CEP128: variants seen among roughly 807,000 people sequenced by gnomAD.
CEP128 encodes the protein centrosomal protein 128kDa.
CEP128 carries 132 observed loss-of-function variants against 156.7 expected under a neutral mutation model. The ratio of observed to expected loss-of-function variants is 0.84; its 90% CI spans 0.73 to 0.97. CEP128 has a LOEUF of 0.97. CEP128 is among the 50% of genes least tolerant of loss of function. The pLI is 0.00. For synonymous variants in CEP128, 469 were observed against 448.9 expected (o/e 1.04, Z -0.57); for missense variants, 1,252 against 1,281.9 (o/e 0.98, Z 0.36).
intron 23 of CEP128, among the ~76,000 whole-genome samples, chr14:80,519,216 T>A (rs988908116): frequency 6.6e-6 from 1 of 152,240 alleles, no homozygotes; most frequent in Non-Finnish European, 1.5e-5. Flanking sequence ...AAAGTTCCAC[T>A]GGGTGAAGGG....
At chr14:80,763,698 A>G (rs1324613888) in intron 16 of CEP128, among the ~76,000 whole-genome samples, 1 of 152,170 alleles carries the variant, frequency 6.6e-6, no homozygotes, top group Admixed American at 6.5e-5. Flanking sequence ...ATAAACTGTT[A>G]ATTTCAGGAG....
intron 11 of CEP128, among the ~76,000 whole-genome samples, chr14:80,837,631 G>C (rs1170196977): frequency 6.6e-6 from 1 of 152,274 alleles, no homozygotes; most frequent in East Asian, 1.9e-4. Context: ...CAGGAGAATC[G>C]CTTGAACCCG....
chr14:80,483,701 T>A (rs1346957072), intron 14 of CEP128, among the ~76,000 whole-genome samples: 1 of 152,222 alleles, frequency 6.6e-6, no homozygotes, highest in Non-Finnish European at 1.5e-5. Context: ...TGAACACTTA[T>A]TGTATGTCAG....
intron 19 of CEP128, among the ~76,000 whole-genome samples, chr14:80,614,732 C>T (rs912770964): frequency 6.6e-6 from 1 of 152,160 alleles, no homozygotes; most frequent in Non-Finnish European, 1.5e-5. Flanking sequence ...GTGTTATCTC[C>T]TCTAAATATT....
chr14:80,597,489 A>C (rs1304807055), intron 19 of CEP128, among the ~76,000 whole-genome samples: 4 of 152,154 alleles, frequency 2.6e-5, no homozygotes, highest in African/African-American at 9.6e-5. Context: ...CTTTTACCAA[A>C]TGTTCAAAGA....
At chr14:80,753,317 G>C (rs1899482954) in intron 18 of CEP128, among the ~76,000 whole-genome samples, 1 of 132,124 alleles carries the variant, frequency 7.6e-6, no homozygotes, top group Non-Finnish European at 1.7e-5. Flanking sequence ...TGGGGCAAAG[G>C]CCAAGAAGAA....
intron 20 of CEP128, 149 bp downstream of exon 20, chr14:80,580,225 T>C: frequency 1.9e-6 from 1 of 524,762 alleles, no homozygotes; most frequent in South Asian, 3.7e-5. Context: ...CAGAGACTTC[T>C]AAAGGAAGCA....
In CEP128 at chr14:80,484,941, T is replaced by C. The variant is rs78684126; in HGVS notation, c.*311-6534A>G. 2.1e-3 allele frequency among the ~76,000 whole-genome samples: 313 copies of C among 152,166 alleles called. 2 individuals are homozygous for C. Among genetic ancestry groups the C allele is most frequent in the African/African-American group, 7.2e-3 (300 of 41,474 alleles). On this transcript the variant is annotated intron_variant and NMD_transcript_variant, in intron 14 of 14. Transcript: ENST00000554502. ...AAATACAGTCCCAAAAGGGAAAGGGTAGAGAAATCTGACCTCAATTGTGGG... is the reference window on the plus strand; with the variant it reads ...AAATACAGTCCCAAAAGGGAAAGGGCAGAGAAATCTGACCTCAATTGTGGG...
At chr14:80,548,855 T>C (rs1395395590) in intron 21 of CEP128, among the ~76,000 whole-genome samples, 2 of 152,174 alleles carry the variant, frequency 1.3e-5, no homozygotes, top group East Asian at 3.9e-4. Context: ...GTGATACCTT[T>C]CCTATGTTAT....
chr14:80,632,579 T>C (rs1894006593), intron 19 of CEP128, among the ~76,000 whole-genome samples: 1 of 149,886 alleles, frequency 6.7e-6, no homozygotes. Flanking sequence ...ATTATCTATA[T>C]AATATAACAT....
intron 19 of CEP128, among the ~76,000 whole-genome samples, chr14:80,581,777 G>A (rs1891603541): frequency 6.6e-6 from 1 of 152,170 alleles, no homozygotes; most frequent in Admixed American, 6.5e-5. Context: ...ATAAGATACA[G>A]AAACCAACTT....
chr14:80,529,185 C>T (rs1052935543), intron 22 of CEP128, among the ~76,000 whole-genome samples: 2 of 152,150 alleles, frequency 1.3e-5, no homozygotes, highest in Non-Finnish European at 2.9e-5. Context: ...AAACATGTAC[C>T]ATAAAGTACT....
chr14:80,723,570 T>C lies in CEP128; in HGVS notation c.2806+19505A>G, dbSNP rs918140658. Among the ~76,000 whole-genome samples, 14 of 152,328 alleles carry C rather than the reference T, an allele frequency of 9.2e-5. No homozygotes were observed. In the Middle Eastern group the frequency reaches 0.01, roughly 111 times the overall value. On this transcript the variant is annotated intron_variant, in intron 19 of 24. Transcript: ENST00000555265. ...TTGAACCATAAATTATAGAGGGAAATCTAGCATAATGGTAGAACAGTGTCC... is the reference window on the plus strand; with the variant it reads ...TTGAACCATAAATTATAGAGGGAAACCTAGCATAATGGTAGAACAGTGTCC...
intron 21 of CEP128, among the ~76,000 whole-genome samples, chr14:80,549,223 A>C (rs997174014): frequency 6.6e-6 from 1 of 152,192 alleles, no homozygotes; most frequent in Admixed American, 6.6e-5. Context: ...AATATACAGA[A>C]GGTAGACTAA....
At chr14:80,489,030 T>C (rs967186942), downstream of CEP128, among the ~76,000 whole-genome samples, 15 of 151,582 alleles carry the variant, frequency 9.9e-5, no homozygotes, top group East Asian at 2.0e-4. Flanking sequence ...ATATACCTAA[T>C]GCTAAATGAC....
In CEP128 at chr14:80,785,503, C is replaced by T. The variant is rs768640379; in HGVS notation, c.1603G>A (p.Ala535Thr). Residue 535 changes from alanine to threonine, a missense_variant, in exon 15 of 25, where the codon GCA (alanine) becomes ACA (threonine). By Grantham distance (58) the Ala-to-Thr change is moderately conservative. Transcript: ENST00000555265. ...KDELKTQLYAALQQIENLRKE... is the reference protein window; with the variant it reads ...KDELKTQLYATLQQIENLRKE... Reference sequence around the variant, plus strand: ...CGAAGATTCTCTATTTGTTGTAATGCTGCATACAGCTGGGTTTTCAATTCA... The same window carrying T: ...CGAAGATTCTCTATTTGTTGTAATGTTGCATACAGCTGGGTTTTCAATTCA... 1.9e-6 allele frequency: 3 copies of T among 1,612,982 alleles called. No homozygotes were observed. The highest frequency in any genetic ancestry group is 2.5e-6 in the Non-Finnish European group (3 of 1,179,490).
intron 20 of CEP128, among the ~76,000 whole-genome samples, chr14:80,561,889 C>G (rs902852537): frequency 1.0e-5 from 1 of 98,956 alleles, no homozygotes; most frequent in Non-Finnish European, 2.1e-5. Context: ...TGTTGAAATA[C>G]GAAGGTCTAT....
rs186534836 is a variant in CEP128, at chr14:80,772,505, G to A, written c.2376+5377C>T. On this transcript the variant is annotated intron_variant, in intron 16 of 24. Transcript: ENST00000555265. ...GTGCATTCATCCTTCAAGTCCATGCGTGAATTGATTCTTCCTGGATGCCGG... is the reference window on the plus strand; with the variant it reads ...GTGCATTCATCCTTCAAGTCCATGCATGAATTGATTCTTCCTGGATGCCGG... Among the ~76,000 whole-genome samples, 6 of 152,258 alleles carry A rather than the reference G, an allele frequency of 3.9e-5. No individual in the cohort carries two copies. The East Asian group carries it at 7.7e-4, about 20-fold the overall frequency.
chr14:80,758,522 CAAAA>C (rs56253131), intron 17 of CEP128, among the ~76,000 whole-genome samples: 79 of 115,416 alleles, frequency 6.8e-4, no homozygotes, highest in African/African-American at 2.1e-3. Context: ...GACTTTGTCT[CAAAA>C]AAAAAAAAAA....
Sources: gnomAD v4.1 joint callset for allele counts (sites outside exome capture counted in the v4.1 genomes callset) on GRCh38, gnomAD v4.1.1 for gene constraint, MANE v1.5 for transcripts, NCBI Gene and HGNC (gene_info 2026-07-23, HGNC 2026-07-21) for gene names.